The following PTPRN2 variants were observed in gnomAD, a reference collection of about 807,000 sequenced individuals.
PTPRN2 encodes protein tyrosine phosphatase receptor type N2, also known as receptor-type tyrosine-protein phosphatase N2.
Under a neutral mutation model 118.8 loss-of-function variants are expected in PTPRN2, and 74 were observed. The ratio of observed to expected loss-of-function variants is 0.62; its 90% CI spans 0.52 to 0.76. The LOEUF (loss-of-function observed/expected upper bound fraction) is 0.76, where lower values mean the gene tolerates loss of function less well. Among genes scored for constraint, PTPRN2 ranks in the 30% least tolerant of loss-of-function variants. PTPRN2 has a pLI of 0.00. For synonymous variants in PTPRN2, 641 were observed against 608.0 expected, an observed-to-expected ratio of 1.05 and a Z score of -0.80; for missense variants, 1,481 against 1,394.4, an observed-to-expected ratio of 1.06 and a Z score of -0.99.
chr7:158,332,310 C>G (rs1287713503), intron 2 of PTPRN2, among the ~76,000 whole-genome samples: 2 of 46,770 alleles, frequency 4.3e-5, no homozygotes, highest in East Asian at 7.2e-4. Context: ...CACTCACACC[C>G]ACACTCTCAC....
intron 11 of PTPRN2, among the ~76,000 whole-genome samples, chr7:158,037,271 G>A (rs1808151008): frequency 1.3e-5 from 2 of 152,250 alleles, no homozygotes; most frequent in Non-Finnish European, 2.9e-5. Context: ...AAGTACAGAA[G>A]TGGATGGGAA....
At chr7:158,172,493 T>A (rs1451972719) in intron 5 of PTPRN2, among the ~76,000 whole-genome samples, 3 of 149,572 alleles carry the variant, frequency 2.0e-5, no homozygotes, top group Non-Finnish European at 4.4e-5. Context: ...ATCAGCATCA[T>A]CCCACCATCA....
At chr7:157,906,511 C>T (rs148155993) in intron 11 of PTPRN2, among the ~76,000 whole-genome samples, 1,607 of 152,326 alleles carry the variant, frequency 0.011, 34 homozygotes, top group African/African-American at 0.037. Context: ...CACCTTCCCT[C>T]GGAGTGGACA....
rs1002587227 is a variant in PTPRN2, at chr7:157,816,088, TAC to T, written c.1788+82583_1788+82584del. 8.0e-4 allele frequency among the ~76,000 whole-genome samples: 122 copies of T among 152,258 alleles called. 1 individual carries two copies. The highest frequency in any genetic ancestry group is 2.7e-3 in the African/African-American group (113 of 41,556). On this transcript the variant is annotated intron_variant, in intron 12 of 22. Transcript: ENST00000389418. ...CACATGCTCCCCTCATATATACAAA[TAC>T]ACTCACTCCTTCTCCACCCTTGTTC...
At chr7:158,362,479 G>A (rs1364280951) in intron 2 of PTPRN2, among the ~76,000 whole-genome samples, 1 of 152,230 alleles carries the variant, frequency 6.6e-6, no homozygotes, top group Non-Finnish European at 1.5e-5. Flanking sequence ...CCTCAGAAAG[G>A]CAAAGGACTT....
rs1811820296 is a variant in PTPRN2, at chr7:158,071,740, AGGTGCTCATGG to A, written c.1723+9547_1723+9557del. Reference sequence around the variant, plus strand: ...GTGGTGGAGGTGCTCGTGGTGGTGGAGGTGCTCATGGTGGAGGTGCTCGTGGTGATGGAGGT... The same window carrying A: ...GTGGTGGAGGTGCTCGTGGTGGTGGATGGAGGTGCTCGTGGTGATGGAGGT... On this transcript the variant is annotated intron_variant, in intron 11 of 22. Coordinates refer to ENST00000389418, the MANE Select transcript of PTPRN2 (RefSeq NM_002847.5). Among the ~76,000 whole-genome samples, 31 of 79,526 alleles carry A rather than the reference AGGTGCTCATGG, an allele frequency of 3.9e-4. 1 individual carries two copies. The highest frequency in any genetic ancestry group is 1.7e-3 in the African/African-American group (29 of 17,328). The allele number at this position is 79,526 out of a possible 152,430, so 52.2% of individuals were successfully genotyped here. A position where few individuals can be genotyped will look rare whatever the true frequency, so the allele number is the denominator to read the frequency against.
At chr7:157,823,748 A>G (rs139820661) in intron 12 of PTPRN2, among the ~76,000 whole-genome samples, 63 of 152,372 alleles carry the variant, frequency 4.1e-4, no homozygotes, top group African/African-American at 1.4e-3. Context: ...CTTGATATAT[A>G]TAGTCTACCT....
At chr7:157,865,088 C>T (rs1019043716) in intron 12 of PTPRN2, 1 of 152,524 alleles carries the variant, frequency 6.6e-6, no homozygotes, top group African/African-American at 2.4e-5. Flanking sequence ...GGGGGGTTGA[C>T]TCTGGCCACC....
At chr7:158,058,396 C>G (rs376677378) in intron 11 of PTPRN2, among the ~76,000 whole-genome samples, 2 of 125,384 alleles carry the variant, frequency 1.6e-5, no homozygotes, top group Non-Finnish European at 1.7e-5. Flanking sequence ...CATCTGCCCA[C>G]GGTGAGACAT....
At chr7:158,514,314 T>C (rs1439868706) in intron 1 of PTPRN2, among the ~76,000 whole-genome samples, 2 of 152,086 alleles carry the variant, frequency 1.3e-5, no homozygotes, top group Non-Finnish European at 1.5e-5. Context: ...GGGGAGCGGC[T>C]GGAGAGAGGG....
chr7:157,994,557 C>A lies in PTPRN2; in HGVS notation c.1723+86741G>T, dbSNP rs1353599268. Among the ~76,000 whole-genome samples the A allele has an allele frequency of 8.6e-5, 12 of 139,632 alleles. 1 individual carries two copies. Among genetic ancestry groups the A allele is most frequent in the South Asian group, 7.2e-4 (3 of 4,164 alleles). 91.6% of individuals were successfully genotyped at this position (139,632 alleles called of 152,430 possible). ...CAGCTCCTTGTTCCTAAAATCAGCA[C>A]CGCGTCCCCAGCTTACAACTCCTTG... On this transcript the variant is annotated intron_variant, in intron 11 of 22. Transcript: ENST00000389418.
Position 157,583,204 on chromosome 7 carries a change from T to C in PTPRN2, c.2497-5064A>G, listed in dbSNP as rs1290774362. On this transcript the variant is annotated intron_variant, in intron 17 of 22. Coordinates refer to ENST00000389418, the MANE Select transcript of PTPRN2 (RefSeq NM_002847.5). This position sits in a 1 kb window ranked among gnomAD's most constrained non-coding sequence, Gnocchi z 5.5. The stretch of plus-strand genomic sequence containing the variant: ...TGAACCTGGAGGACACGACGTTAAA[T>C]TGAAATAAGCCGGACACAGAAGGAC... Among the ~76,000 whole-genome samples the C allele has an allele frequency of 6.6e-6, 1 of 152,050 alleles. No homozygotes were observed. The highest frequency in any genetic ancestry group is 2.4e-5 in the African/African-American group (1 of 41,410).
At chr7:158,123,061 G>C (rs1432565112) in intron 9 of PTPRN2, among the ~76,000 whole-genome samples, 1 of 152,202 alleles carries the variant, frequency 6.6e-6, no homozygotes, top group African/African-American at 2.4e-5. Flanking sequence ...CCCACCAGGA[G>C]CTAGGGAGCC....
chr7:157,828,411 GCCCTCGGCACCCACAGCTGTGC>G (rs1039917997), intron 12 of PTPRN2, among the ~76,000 whole-genome samples: 8 of 152,206 alleles, frequency 5.3e-5, no homozygotes, highest in Non-Finnish European at 1.2e-4. Flanking sequence ...ACTTCCGCAA[GCCCTCGGCACCCACAGCTGTGC>G]CCCTCGGGAC....
intron 11 of PTPRN2, among the ~76,000 whole-genome samples, chr7:158,053,271 A>G (rs773927011): frequency 7.2e-5 from 11 of 152,194 alleles, no homozygotes; most frequent in African/African-American, 1.2e-4. Context: ...CTGACACTGT[A>G]GGAAAATCTC....
chr7:158,499,778 T>C (rs1822213950), intron 1 of PTPRN2, among the ~76,000 whole-genome samples: 1 of 149,826 alleles, frequency 6.7e-6, no homozygotes, highest in Non-Finnish European at 1.5e-5. Flanking sequence ...CTCAAATATA[T>C]GTGTGTATGT....
At chr7:158,065,575 A>G (rs1563380605) in intron 11 of PTPRN2, among the ~76,000 whole-genome samples, 2 of 152,208 alleles carry the variant, frequency 1.3e-5, no homozygotes, top group Admixed American at 1.3e-4. Context: ...TGGAGCCATC[A>G]GACCCGGGGG....
At chr7:158,069,343 G>C (rs905446468) in intron 11 of PTPRN2, among the ~76,000 whole-genome samples, 1 of 152,164 alleles carries the variant, frequency 6.6e-6, no homozygotes, top group Non-Finnish European at 1.5e-5. Context: ...GGGACTTACA[G>C]GTACATCACC....
chr7:158,118,188 T>A (rs111351962), intron 9 of PTPRN2, among the ~76,000 whole-genome samples: 217 of 152,332 alleles, frequency 1.4e-3, no homozygotes, highest in African/African-American at 5.0e-3. Context: ...GAATAAATTT[T>A]AAACAATTAT....
Sources: gnomAD v4.1 joint callset for allele counts (sites outside exome capture counted in the v4.1 genomes callset) on GRCh38, gnomAD v4.1.1 for gene constraint, Gnocchi (gnomAD v3.1) non-coding constraint, MANE v1.5 for transcripts, NCBI Gene and HGNC (gene_info 2026-07-23, HGNC 2026-07-21) for gene names.